Variants in TMEM135 observed in about 807,000 individuals in gnomAD.
The protein encoded by TMEM135 is peroxisomal membrane protein 52.
TMEM135 carries 30 observed loss-of-function variants against 60.3 expected under a neutral mutation model. The ratio of observed to expected loss-of-function variants is 0.50; its 90% CI spans 0.37 to 0.68. The LOEUF is 0.68. TMEM135 is among the 30% of genes least tolerant of loss of function. The pLI, the probability that TMEM135 is intolerant of heterozygous loss-of-function variation, is 0.00. For missense variants in TMEM135, 468 were observed against 548.8 expected (o/e 0.85, Z 1.47); for synonymous variants, 190 against 186.7 (o/e 1.02, Z -0.14).
chr11:87,311,365 A>T (rs1379111405), intron 10 of TMEM135, among the ~76,000 whole-genome samples: 1 of 152,074 alleles, frequency 6.6e-6, no homozygotes, highest in Non-Finnish European at 1.5e-5. Context: ...TTTGACTAAG[A>T]AGCATTACTA....
At chr11:87,252,798 A>ATATGTGTGTGTGTGTGTGTG (rs1555124821) in intron 6 of TMEM135, among the ~76,000 whole-genome samples, 1 of 134,214 alleles carries the variant, frequency 7.5e-6, no homozygotes, top group Non-Finnish European at 1.6e-5. Flanking sequence ...TAAAATATAT[A>ATATGTGTGTGTGTGTGTGTG]TGTGTGTGTG....
intron 5 of TMEM135, among the ~76,000 whole-genome samples, chr11:87,183,773 C>T (rs1001246040): frequency 8.6e-5 from 13 of 151,340 alleles, no homozygotes; most frequent in Non-Finnish European, 1.5e-4. Context: ...CTGGCTAACA[C>T]GGTAAAACGC....
At chr11:87,223,321 T>G (rs1195889529) in intron 5 of TMEM135, among the ~76,000 whole-genome samples, 2 of 149,932 alleles carry the variant, frequency 1.3e-5, no homozygotes, top group Non-Finnish European at 3.0e-5. Flanking sequence ...CCAGCCACCA[T>G]GCCCAGCTAA....
intron 4 of TMEM135, among the ~76,000 whole-genome samples, chr11:87,127,687 C>A (rs1349951211): frequency 6.6e-6 from 1 of 152,194 alleles, no homozygotes; most frequent in African/African-American, 2.4e-5. Context: ...TTGTTTCTTC[C>A]TACCTACCAG....
chr11:87,141,613 T>A (rs1253253099), intron 4 of TMEM135, among the ~76,000 whole-genome samples: 1 of 152,084 alleles, frequency 6.6e-6, no homozygotes, highest in African/African-American at 2.4e-5. Context: ...TCCGGAAAAA[T>A]AGCAAATAGA....
At chr11:87,057,695 A>G (rs572003604) in intron 1 of TMEM135, among the ~76,000 whole-genome samples, 13 of 152,272 alleles carry the variant, frequency 8.5e-5, no homozygotes, top group African/African-American at 3.1e-4. Context: ...TGAGATATTT[A>G]TATTTGGCTT....
chr11:87,325,469 TC>T lies in TMEM135; in HGVS notation c.*4137del, dbSNP rs1400254710. On this transcript the variant is annotated 3_prime_UTR_variant, in exon 15 of 15. Transcript: ENST00000305494. ...TTATATCTGGTCTTTTGGAAATTAT[TC>T]TGTTGCTGTTTTATGTGGGCTCTCT... is the stretch of plus-strand genomic sequence containing the variant. The T allele has an allele frequency of 2.2e-6, 1 of 454,016 alleles. No homozygotes were observed. Among genetic ancestry groups the T allele is most frequent in the Admixed American group, 2.3e-5 (1 of 42,556 alleles). 28.1% of individuals were successfully genotyped at this position (454,016 alleles called of 1,614,324 possible).
intron 1 of TMEM135, among the ~76,000 whole-genome samples, chr11:87,053,383 C>A (rs1214490213): frequency 1.3e-5 from 2 of 151,978 alleles, no homozygotes; most frequent in Non-Finnish European, 2.9e-5. Context: ...TTGTATAAAT[C>A]TATCTGTATA....
intron 4 of TMEM135, among the ~76,000 whole-genome samples, chr11:87,097,539 T>C (rs557973278): frequency 2.4e-4 from 37 of 152,330 alleles, no homozygotes; most frequent in Admixed American, 2.3e-3. Context: ...CTTTTGCCAA[T>C]GTTACCAAAG....
chr11:87,147,667 A>G (rs1158460686), intron 4 of TMEM135, among the ~76,000 whole-genome samples: 2 of 152,178 alleles, frequency 1.3e-5, no homozygotes, highest in Middle Eastern at 3.2e-3. Flanking sequence ...CACACACACA[A>G]AAGTCCAATC....
intron 4 of TMEM135, among the ~76,000 whole-genome samples, chr11:87,129,327 C>T (rs762440915): frequency 4.8e-5 from 7 of 145,758 alleles, no homozygotes; most frequent in Non-Finnish European, 1.0e-4. Flanking sequence ...ACTGCAACCT[C>T]TGCCTCCCAG....
At chr11:87,193,081 C>T (rs924914954) in intron 5 of TMEM135, among the ~76,000 whole-genome samples, 1 of 152,120 alleles carries the variant, frequency 6.6e-6, no homozygotes, top group Non-Finnish European at 1.5e-5. Context: ...CACCACTGCA[C>T]TCCAGCCTGG....
intron 5 of TMEM135, among the ~76,000 whole-genome samples, chr11:87,229,929 T>G (rs752546294): frequency 1.3e-5 from 2 of 152,162 alleles, no homozygotes; most frequent in African/African-American, 4.8e-5. Flanking sequence ...GTTTAACAGC[T>G]TTTTTGAGGT....
At chr11:87,081,300 T>C (rs556505961) in intron 3 of TMEM135, among the ~76,000 whole-genome samples, 1 of 55,792 alleles carries the variant, frequency 1.8e-5, no homozygotes, top group South Asian at 5.3e-4. Context: ...TATTGTTTGA[T>C]TTTTTTTGTT....
intron 13 of TMEM135, 114 bp from the exon 14 acceptor site, chr11:87,319,196 A>G (rs1226489772): frequency 8.8e-6 from 8 of 908,220 alleles, no homozygotes; most frequent in Non-Finnish European, 1.5e-5. Context: ...TTGAAGGCAT[A>G]TTTACAAAAA....
At chr11:87,252,462 A>C (rs577037539) in intron 6 of TMEM135, among the ~76,000 whole-genome samples, 1 of 152,220 alleles carries the variant, frequency 6.6e-6, no homozygotes, top group Non-Finnish European at 1.5e-5. Flanking sequence ...CTTAAAAGAT[A>C]ATTTAATTTC....
chr11:87,216,021 T>C (rs758351254), intron 5 of TMEM135, among the ~76,000 whole-genome samples: 8 of 152,222 alleles, frequency 5.3e-5, no homozygotes, highest in Non-Finnish European at 1.2e-4. Flanking sequence ...GTAACTTTTA[T>C]TATAGTATAT....
chr11:87,045,754 A>T (rs1949790254), intron 1 of TMEM135, among the ~76,000 whole-genome samples: 1 of 152,308 alleles, frequency 6.6e-6, no homozygotes, highest in African/African-American at 2.4e-5. Context: ...ACTCTTAAAA[A>T]CTTTCTTTTC....
At chr11:87,249,578 C>G (rs1565502613) in intron 6 of TMEM135, among the ~76,000 whole-genome samples, 1 of 151,838 alleles carries the variant, frequency 6.6e-6, no homozygotes, top group Non-Finnish European at 1.5e-5. Context: ...TTTTGATGTG[C>G]TTATTGTTAT....
Sources: gnomAD v4.1 joint callset for allele counts (sites outside exome capture counted in the v4.1 genomes callset) on GRCh38, gnomAD v4.1.1 for gene constraint, MANE v1.5 for transcripts, NCBI Gene and HGNC (gene_info 2026-07-23, HGNC 2026-07-21) for gene names.